DNAH11: variants seen among roughly 807,000 people sequenced by gnomAD.
DNAH11 encodes axonemal beta dynein heavy chain 11.
Under a neutral mutation model 526.0 loss-of-function variants are expected in DNAH11, and 442 were observed. The ratio of observed to expected loss-of-function variants is 0.84; its 90% CI spans 0.78 to 0.91. The LOEUF is 0.91. Ranked by LOEUF, DNAH11 falls within the 40% of genes least tolerant of loss-of-function variation. The probability of loss-of-function intolerance (pLI) is 0.00; values close to 1 mark genes in which losing one functional copy is unlikely to be tolerated. For synonymous variants in DNAH11, 2,461 were observed against 1,935.9 expected, an observed-to-expected ratio of 1.27 and a Z score of -7.12; for missense variants, 6,989 against 5,448.7, an observed-to-expected ratio of 1.28 and a Z score of -8.90.
At chr7:21,663,839 A>G (rs1260456795) in intron 30 of DNAH11, among the ~76,000 whole-genome samples, 2 of 151,354 alleles carry the variant, frequency 1.3e-5, no homozygotes, top group Non-Finnish European at 1.5e-5. Context: ...ATGGAGACCT[A>G]GGTTGATTCC....
chr7:21,739,331 G>C (rs1785765662), intron 47 of DNAH11, among the ~76,000 whole-genome samples: 1 of 152,172 alleles, frequency 6.6e-6, no homozygotes, highest in African/African-American at 2.4e-5. Context: ...TCAATAAGCA[G>C]TAATAGTTTA....
At chr7:21,609,994 C>G (rs112193505) in intron 20 of DNAH11, among the ~76,000 whole-genome samples, 1 of 152,166 alleles carries the variant, frequency 6.6e-6, no homozygotes, top group African/African-American at 2.4e-5. Flanking sequence ...GTGGCTCACG[C>G]CTGTAATCCC....
chr7:21,636,414 T>C (rs1307476439), intron 26 of DNAH11, among the ~76,000 whole-genome samples: 2 of 152,148 alleles, frequency 1.3e-5, no homozygotes, highest in Non-Finnish European at 2.9e-5. Flanking sequence ...TGTCACAAAA[T>C]ACACTGTTTT....
At chr7:21,822,012 C>T (rs1487756656) in intron 65 of DNAH11, among the ~76,000 whole-genome samples, 2 of 151,998 alleles carry the variant, frequency 1.3e-5, no homozygotes, top group East Asian at 1.9e-4. Flanking sequence ...CCTCCAGTTC[C>T]ATCCATGTTG....
intron 15 of DNAH11, among the ~76,000 whole-genome samples, chr7:21,600,447 T>A (rs1190167095): frequency 1.3e-5 from 2 of 150,960 alleles, no homozygotes; most frequent in Admixed American, 6.6e-5. Flanking sequence ...GACAAAACCC[T>A]GTCTCAAAAA....
In DNAH11 at chr7:21,571,972, T is replaced by A; in HGVS notation, c.1592T>A (p.Met531Lys). The A allele has an allele frequency of 6.5e-7, 1 of 1,546,992 alleles. No homozygotes were observed. Among genetic ancestry groups the A allele is most frequent in the Non-Finnish European group, 8.7e-7 (1 of 1,151,272 alleles). ...TATGACCCATCTGATTGCACTAACA[T>A]GGTAATGTTGTACCTTTGCATTTTC... is the stretch of plus-strand genomic sequence containing the variant. ...STYDPSDCTN[M>K]EFESDYVAFK... Residue 531 changes from methionine to lysine, a missense_variant and splice_region_variant, in exon 8 of 82, where the codon ATG (methionine) becomes AAG (lysine). Met to Lys is a moderately conservative substitution (Grantham distance 95). Coordinates refer to ENST00000409508, the MANE Select transcript of DNAH11 (RefSeq NM_001277115.2).
chr7:21,561,394 G>T, intron 5 of DNAH11: 1 of 386,458 alleles, frequency 2.6e-6, no homozygotes, highest in African/African-American at 2.1e-5. Flanking sequence ...AATGGCTCCA[G>T]ATTGAAATTT....
At chr7:21,625,176 T>G (rs564702521) in intron 25 of DNAH11, among the ~76,000 whole-genome samples, 4 of 152,218 alleles carry the variant, frequency 2.6e-5, no homozygotes, top group Admixed American at 6.5e-5. Flanking sequence ...GGCCTTTCTT[T>G]TGAGGGGAAA....
chr7:21,628,027 A>G (rs1014329099), intron 25 of DNAH11, among the ~76,000 whole-genome samples: 5 of 151,994 alleles, frequency 3.3e-5, no homozygotes, highest in African/African-American at 1.2e-4. Context: ...TGATTCCTAC[A>G]TAGTTGATAT....
At chr7:21,680,126 A>T (rs879612530) in intron 30 of DNAH11, among the ~76,000 whole-genome samples, 9 of 152,088 alleles carry the variant, frequency 5.9e-5, no homozygotes, top group Non-Finnish European at 1.2e-4. Flanking sequence ...CAGCTGTATG[A>T]CTTTCTCTAG....
chr7:21,544,440 A>T (rs1022213642), intron 1 of DNAH11, among the ~76,000 whole-genome samples: 6 of 152,070 alleles, frequency 3.9e-5, no homozygotes, highest in African/African-American at 1.4e-4. Flanking sequence ...TTGTAACTTT[A>T]AAAAAAATAA....
intron 79 of DNAH11, among the ~76,000 whole-genome samples, chr7:21,896,699 T>C (rs763115093): frequency 3.3e-5 from 5 of 152,210 alleles, no homozygotes; most frequent in Non-Finnish European, 5.9e-5. Flanking sequence ...GCTGTATACT[T>C]GTAGACTTCA....
At chr7:21,638,497 G>A (rs565428728) in intron 27 of DNAH11, among the ~76,000 whole-genome samples, 14 of 152,114 alleles carry the variant, frequency 9.2e-5, no homozygotes, top group South Asian at 4.1e-4. Context: ...TGACAGGAGG[G>A]AAGTCACTTG....
chr7:21,857,586 A>G (rs1161402162), intron 68 of DNAH11, among the ~76,000 whole-genome samples: 1 of 152,182 alleles, frequency 6.6e-6, no homozygotes, highest in Admixed American at 6.5e-5. Context: ...TAAGACTTAA[A>G]TCTACACGAA....
chr7:21,563,188 A>AT (rs936648762), intron 5 of DNAH11, among the ~76,000 whole-genome samples: 1 of 151,846 alleles, frequency 6.6e-6, no homozygotes, highest in Non-Finnish European at 1.5e-5. Context: ...TATCTATAGC[A>AT]TTTTTTTGTT....
intron 34 of DNAH11, among the ~76,000 whole-genome samples, chr7:21,690,078 T>C (rs1340025457): frequency 4.6e-5 from 7 of 152,246 alleles, no homozygotes; most frequent in Admixed American, 4.6e-4. Context: ...GTATTTTCCA[T>C]GTTCTAGGCA....
chr7:21,570,375 GA>G (rs1039946466), intron 7 of DNAH11, 76 bp downstream of exon 7: 8 of 1,227,220 alleles, frequency 6.5e-6, no homozygotes, highest in Non-Finnish European at 9.1e-6. Flanking sequence ...ATGATTCATG[GA>G]ACAGTTTACT....
chr7:21,642,117 AT>A (rs1443523480), intron 28 of DNAH11, among the ~76,000 whole-genome samples: 1 of 152,198 alleles, frequency 6.6e-6, no homozygotes, highest in Admixed American at 6.5e-5. Context: ...TTTTTGATAT[AT>A]TTTGAAATTT....
chr7:21,562,565 A>G (rs1783509147), intron 5 of DNAH11, among the ~76,000 whole-genome samples: 1 of 152,152 alleles, frequency 6.6e-6, no homozygotes, highest in Non-Finnish European at 1.5e-5. Context: ...ATTCAGGAAG[A>G]AAACACTTCT....
Sources: gnomAD v4.1 joint callset for allele counts (sites outside exome capture counted in the v4.1 genomes callset) on GRCh38, gnomAD v4.1.1 for gene constraint, MANE v1.5 for transcripts, NCBI Gene and HGNC (gene_info 2026-07-23, HGNC 2026-07-21) for gene names.